The following CPNE4 variants were observed in gnomAD, a reference collection of about 807,000 sequenced individuals.
The protein encoded by CPNE4 is copine 4, also known as copine-4.
Under a neutral mutation model 67.9 loss-of-function variants are expected in CPNE4, and 25 were observed. The observed-to-expected ratio is 0.37, with a 90% CI of 0.27 to 0.51. CPNE4 has a LOEUF of 0.51. Among genes scored for constraint, CPNE4 ranks in the 20% least tolerant of loss-of-function variants. The pLI, the probability that CPNE4 is intolerant of heterozygous loss-of-function variation, is 0.93. For missense variants in CPNE4, 464 were observed against 690.8 expected, an observed-to-expected ratio of 0.67 and a Z score of 3.68; for synonymous variants, 242 against 244.9, an observed-to-expected ratio of 0.99 and a Z score of 0.11.
At chr3:131,596,008 A>G (rs1938821537) in intron 7 of CPNE4, among the ~76,000 whole-genome samples, 1 of 152,234 alleles carries the variant, frequency 6.6e-6, no homozygotes, top group African/African-American at 2.4e-5. Context: ...GAGTTGTTTA[A>G]TAAGTATAAA....
intron 2 of CPNE4, among the ~76,000 whole-genome samples, chr3:131,844,285 G>A (rs1042592890): frequency 6.7e-6 from 1 of 149,136 alleles, no homozygotes; most frequent in African/African-American, 2.5e-5. Flanking sequence ...TTCCGAGATG[G>A]AGTCTCGCTC....
At chr3:131,996,724 T>C (rs1005327487) in intron 1 of CPNE4, among the ~76,000 whole-genome samples, 1 of 151,998 alleles carries the variant, frequency 6.6e-6, no homozygotes, top group Non-Finnish European at 1.5e-5. Context: ...CTCAGGCTCA[T>C]GGGATTTCAT....
intron 2 of CPNE4, among the ~76,000 whole-genome samples, chr3:131,727,046 T>C (rs1325994999): frequency 6.6e-6 from 1 of 152,250 alleles, no homozygotes; most frequent in African/African-American, 2.4e-5. Context: ...CATCCATTTT[T>C]AAAATTTGAT....
At chr3:131,559,706 G>A (rs1936657683) in intron 11 of CPNE4, among the ~76,000 whole-genome samples, 1 of 151,892 alleles carries the variant, frequency 6.6e-6, no homozygotes, top group African/African-American at 2.4e-5. Flanking sequence ...ATAAAATTTT[G>A]GAGGGAAGAG....
At chr3:131,992,051 C>A (rs2073186005) in intron 1 of CPNE4, among the ~76,000 whole-genome samples, 1 of 136,490 alleles carries the variant, frequency 7.3e-6, no homozygotes, top group Non-Finnish European at 1.7e-5. Flanking sequence ...AGGGGTGGAG[C>A]CCTCATGGAG....
At chr3:131,961,366 A>C (rs1244980051) in intron 1 of CPNE4, among the ~76,000 whole-genome samples, 1 of 152,132 alleles carries the variant, frequency 6.6e-6, no homozygotes, top group Non-Finnish European at 1.5e-5. Flanking sequence ...CTGTTTTATC[A>C]CTGGTTAAAG....
chr3:131,734,190 G>A (rs754563613), intron 2 of CPNE4, among the ~76,000 whole-genome samples: 2 of 152,188 alleles, frequency 1.3e-5, no homozygotes, highest in Admixed American at 1.3e-4. Context: ...TTAGGGAGGA[G>A]CCCTTCACCC....
chr3:131,864,160 T>C, intron 2 of CPNE4, among the ~76,000 whole-genome samples: 1 of 151,402 alleles, frequency 6.6e-6, no homozygotes, highest in Non-Finnish European at 1.5e-5. Flanking sequence ...GCTTTGTTCT[T>C]TTGGCTTAGG....
chr3:131,811,149 T>C (rs1408965003), intron 2 of CPNE4, among the ~76,000 whole-genome samples: 2 of 152,074 alleles, frequency 1.3e-5, no homozygotes, highest in Non-Finnish European at 2.9e-5. Flanking sequence ...ACTTGAAGTG[T>C]GTACAATAAG....
At position 131,930,850 on chromosome 3, in the gene CPNE4, T is replaced by G. The variant is rs1302553345; in HGVS notation, c.-1-25406A>C. Among the ~76,000 whole-genome samples, 5 of 152,242 alleles carry G rather than the reference T, an allele frequency of 3.3e-5. No individual in the cohort carries two copies. The East Asian group carries it at 9.7e-4, about 29-fold the overall frequency. ...ATAGTGGGGAGCTCTCACACCTGAT[T>G]CCTATAACTATAGGAGTTTCAGAAA... On this transcript the variant is annotated intron_variant, in intron 1 of 15. Coordinates refer to ENST00000429747, the MANE Select transcript of CPNE4 (RefSeq NM_130808.3).
intron 1 of CPNE4, among the ~76,000 whole-genome samples, chr3:131,907,692 C>T (rs145209194): frequency 1.1e-4 from 16 of 152,206 alleles, no homozygotes; most frequent in African/African-American, 3.4e-4. Context: ...GTTGCTTTCA[C>T]TACAATGGCA....
At chr3:131,724,826 T>A (rs974638059) in intron 2 of CPNE4, among the ~76,000 whole-genome samples, 1 of 152,234 alleles carries the variant, frequency 6.6e-6, no homozygotes, top group Non-Finnish European at 1.5e-5. Context: ...TAGGTTAAAC[T>A]GTTTGGGTAT....
At chr3:131,716,787 A>T (rs551907655) in intron 3 of CPNE4, among the ~76,000 whole-genome samples, 2 of 152,314 alleles carry the variant, frequency 1.3e-5, no homozygotes, top group Non-Finnish European at 2.9e-5. Flanking sequence ...CATTTTTCAA[A>T]TGAAGAAACT....
chr3:131,789,463 A>G (rs528840508), intron 2 of CPNE4, among the ~76,000 whole-genome samples: 25 of 152,296 alleles, frequency 1.6e-4, no homozygotes, highest in Admixed American at 9.2e-4. Flanking sequence ...CTCTGCTACC[A>G]CTAGTTGTGA....
chr3:131,934,518 C>T (rs1230921068), intron 1 of CPNE4, among the ~76,000 whole-genome samples: 1 of 152,132 alleles, frequency 6.6e-6, no homozygotes, highest in Non-Finnish European at 1.5e-5. Context: ...CACCCACCAA[C>T]CCATCATCTA....
chr3:131,831,498 A>T (rs1472619584), intron 2 of CPNE4, among the ~76,000 whole-genome samples: 1 of 152,156 alleles, frequency 6.6e-6, no homozygotes, highest in Non-Finnish European at 1.5e-5. Context: ...TCAAAATACA[A>T]ATTATGAAAA....
chr3:131,832,890 A>G (rs1394605889), intron 2 of CPNE4, among the ~76,000 whole-genome samples: 4 of 152,184 alleles, frequency 2.6e-5, no homozygotes, highest in African/African-American at 9.7e-5. Context: ...CAGGGGCAGA[A>G]TGCTATAGAC....
At chr3:131,599,611 A>G (rs1454610969) in intron 7 of CPNE4, among the ~76,000 whole-genome samples, 1 of 152,210 alleles carries the variant, frequency 6.6e-6, no homozygotes. Flanking sequence ...ATGTAATTCC[A>G]GAAGTGGTGA....
Position 131,658,228 on chromosome 3 carries a change from G to A in CPNE4, c.681+11447C>T, listed in dbSNP as rs1428980037. On this transcript the variant is annotated intron_variant, in intron 7 of 15. Coordinates refer to ENST00000429747, the MANE Select transcript of CPNE4 (RefSeq NM_130808.3). The stretch of plus-strand genomic sequence containing the variant: ...CAGGTCCCACTAAGTCTGAGTGATT[G>A]GACAAAGCTGAGTTCCTGTACCAGC... Among the ~76,000 whole-genome samples the A allele has an allele frequency of 5.9e-5, 9 of 152,124 alleles. No homozygotes were observed. In the East Asian group the frequency reaches 1.7e-3, roughly 29 times the overall value.
Sources: allele counts gnomAD v4.1 joint callset (sites outside exome capture counted in the v4.1 genomes callset), GRCh38; gene constraint gnomAD v4.1.1; transcripts MANE v1.5; gene names NCBI Gene and HGNC (gene_info 2026-07-23, HGNC 2026-07-21).